Variants in RYR3 observed in about 807,000 individuals in gnomAD.
RYR3 encodes brain ryanodine receptor-calcium release channel.
A neutral mutation model predicts 584.3 loss-of-function variants in RYR3; 207 were observed. That is an observed-to-expected ratio of 0.35 (90% CI 0.32 to 0.40). The LOEUF is 0.40. Among genes scored for constraint, RYR3 ranks in the 10% least tolerant of loss-of-function variants. The pLI, the probability that RYR3 is intolerant of heterozygous loss-of-function variation, is 1.00. For missense variants in RYR3, 5,616 were observed against 6,089.2 expected (o/e 0.92, Z 2.59); for synonymous variants, 2,416 against 2,248.5 (o/e 1.07, Z -2.11).
At position 33,519,625 on chromosome 15, in the gene RYR3, GTT is replaced by G. The variant is rs5811766; in HGVS notation, c.280-10956_280-10955del. On this transcript the variant is annotated intron_variant, in intron 3 of 103. Transcript: ENST00000634891. ...ATGAAAATGACCCAGCTTTTATGTT[GTT>G]TTTTTTTTTTCTTCTTTTGTATTCA... 2.3e-3 allele frequency among the ~76,000 whole-genome samples: 339 copies of G among 146,356 alleles called. 3 individuals carry two copies. Among genetic ancestry groups the G allele is most frequent in the African/African-American group, 7.4e-3 (297 of 40,060 alleles).
chr15:33,715,160 T>C (rs1295793776), intron 43 of RYR3, among the ~76,000 whole-genome samples: 1 of 152,232 alleles, frequency 6.6e-6, no homozygotes, highest in Non-Finnish European at 1.5e-5. Context: ...AAGTGTCATC[T>C]TAGCTTTGAA....
At chr15:33,554,534 G>A (rs2141285231) in intron 10 of RYR3, among the ~76,000 whole-genome samples, 1 of 152,148 alleles carries the variant, frequency 6.6e-6, no homozygotes, top group African/African-American at 2.4e-5. Flanking sequence ...CTGACCTCGT[G>A]ATCCGCCCGC....
chr15:33,760,692 G>A (rs1424730098), intron 60 of RYR3, among the ~76,000 whole-genome samples: 4 of 152,024 alleles, frequency 2.6e-5, no homozygotes, highest in East Asian at 1.9e-4. Context: ...TTAGATCAAC[G>A]AGACAGAAAA....
chr15:33,343,943 A>G (rs1972128397), intron 1 of RYR3, among the ~76,000 whole-genome samples: 1 of 152,198 alleles, frequency 6.6e-6, no homozygotes, highest in African/African-American at 2.4e-5. Context: ...GAATGGAGAA[A>G]GGTTAAGAAG....
intron 26 of RYR3, among the ~76,000 whole-genome samples, chr15:33,636,044 T>A (rs1388994584): frequency 6.6e-6 from 1 of 152,174 alleles, no homozygotes; most frequent in Non-Finnish European, 1.5e-5. Context: ...CACCTTCATA[T>A]CTACTTTTGC....
chr15:33,861,660 C>T (rs1051808584), intron 102 of RYR3, among the ~76,000 whole-genome samples: 9 of 152,174 alleles, frequency 5.9e-5, no homozygotes, highest in Non-Finnish European at 5.9e-5. Flanking sequence ...CCTCCCACTA[C>T]ATCATAATAT....
chr15:33,745,229 G>C (rs977268463), intron 52 of RYR3, among the ~76,000 whole-genome samples: 2 of 152,088 alleles, frequency 1.3e-5, no homozygotes, highest in Non-Finnish European at 2.9e-5. Flanking sequence ...GAGACATGTA[G>C]AGAAGTAATT....
chr15:33,837,191 T>TA (rs775696690), intron 88 of RYR3, among the ~76,000 whole-genome samples: 1 of 152,156 alleles, frequency 6.6e-6, no homozygotes, highest in African/African-American at 2.4e-5. Flanking sequence ...TTTCTATCAA[T>TA]AGGAAAGCCA....
intron 1 of RYR3, among the ~76,000 whole-genome samples, chr15:33,404,428 G>T (rs1422575449): frequency 1.3e-5 from 2 of 152,202 alleles, no homozygotes; most frequent in Non-Finnish European, 2.9e-5. Flanking sequence ...GACCAAGCTT[G>T]TCTGCTCTCA....
intron 1 of RYR3, among the ~76,000 whole-genome samples, chr15:33,406,411 C>T (rs926888525): frequency 3.3e-5 from 5 of 152,240 alleles, no homozygotes; most frequent in African/African-American, 1.2e-4. Context: ...TCTGGCCTCA[C>T]TCCACTTCCA....
chr15:33,320,412 C>T (rs1442805958), intron 1 of RYR3, among the ~76,000 whole-genome samples: 1 of 152,156 alleles, frequency 6.6e-6, no homozygotes, highest in Non-Finnish European at 1.5e-5. Flanking sequence ...GTGCATTCAA[C>T]ATGTATTGAC....
In RYR3 at chr15:33,827,244, T is replaced by G. The variant is rs1462171603; in HGVS notation, c.11291T>G (p.Val3764Gly). Residue 3764 changes from valine (V) to glycine (G), a missense_variant, in exon 85 of 104, where the codon GTG becomes GGG. Physicochemically the swap from Val to Gly is moderately radical, Grantham distance 109. Transcript: ENST00000634891. ...ACTCAGATGGGCAACACCACCACCG[T>G]GAATGTCATCATCAGCACTGTGGAC... ...LRTQMGNTTT[V>G]NVIISTVDYL... 1 of 1,552,740 alleles carries G rather than the reference T, an allele frequency of 6.4e-7. No homozygotes were observed. Among genetic ancestry groups the G allele is most frequent in the Admixed American group, 2.0e-5 (1 of 51,072 alleles).
chr15:33,856,249 G>A (rs1193539135), intron 98 of RYR3: 1 of 152,154 alleles, frequency 6.6e-6, no homozygotes, highest in Non-Finnish European at 1.5e-5. Flanking sequence ...TCCAAGGTTT[G>A]AGTCACTATT....
intron 103 of RYR3, 137 bp downstream of exon 103, chr15:33,864,326 AC>A (rs1396304427): frequency 3.0e-6 from 2 of 666,556 alleles, no homozygotes; most frequent in Admixed American, 2.8e-5. Context: ...CCTTTTTGTG[AC>A]TCAATAAGAA....
intron 1 of RYR3, among the ~76,000 whole-genome samples, chr15:33,339,821 G>A (rs1407743188): frequency 1.3e-5 from 2 of 151,356 alleles, no homozygotes; most frequent in Non-Finnish European, 2.9e-5. Flanking sequence ...CCCGGGAGGC[G>A]GAGCTTGCAG....
intron 2 of RYR3, among the ~76,000 whole-genome samples, 172 bp downstream of exon 2, chr15:33,473,710 C>A (rs1311680269): frequency 3.3e-5 from 5 of 152,170 alleles, no homozygotes; most frequent in Non-Finnish European, 7.4e-5. Context: ...GCCTAGGAAT[C>A]GTTGATGTAG....
At chr15:33,572,652 T>TACAC (rs1491434910) in intron 12 of RYR3, among the ~76,000 whole-genome samples, 2 of 122,364 alleles carry the variant, frequency 1.6e-5, no homozygotes, top group African/African-American at 4.0e-5. Context: ...AAAAAAAAAC[T>TACAC]ATATATACAC....
At chr15:33,767,615 C>G (rs1339780073) in intron 60 of RYR3, among the ~76,000 whole-genome samples, 2 of 152,210 alleles carry the variant, frequency 1.3e-5, no homozygotes, top group Non-Finnish European at 2.9e-5. Flanking sequence ...TGGAAGACTT[C>G]TGCCCTGAAT....
chr15:33,800,621 C>T lies in RYR3; in HGVS notation c.9831-149C>T, dbSNP rs1596662084. 6.7e-6 allele frequency: 4 copies of T among 593,748 alleles called. No individual in the cohort carries two copies. The South Asian group carries it at 8.6e-5, about 13-fold the overall frequency. 36.8% of individuals were successfully genotyped at this position (593,748 alleles called of 1,614,324 possible). A position where few individuals can be genotyped will look rare whatever the true frequency, so the allele number is the denominator to read the frequency against. On this transcript the variant is annotated intron_variant, in intron 67 of 103. Transcript: ENST00000634891. ...ATCTGAATGTTTAAGGAATATATTG[C>T]TATTTAGTCTCCCTGATTATTGCTT...
Sources: gnomAD v4.1 joint callset for allele counts (sites outside exome capture counted in the v4.1 genomes callset) on GRCh38, gnomAD v4.1.1 for gene constraint, MANE v1.5 for transcripts, NCBI Gene and HGNC (gene_info 2026-07-23, HGNC 2026-07-21) for gene names.